The following CAPS2 variants were observed in gnomAD, a reference collection of about 807,000 sequenced individuals.
CAPS2 encodes calcyphosine 2, also known as calcyphosin-2.
A neutral mutation model predicts 86.5 loss-of-function variants in CAPS2; 98 were observed. That is an observed-to-expected ratio of 1.13 (90% confidence interval 0.96 to 1.34). The LOEUF (loss-of-function observed/expected upper bound fraction) is 1.34, where lower values mean the gene tolerates loss of function less well. Ranked by LOEUF, CAPS2 falls within the 40% of genes most tolerant of loss-of-function variation. The pLI, the probability that CAPS2 is intolerant of heterozygous loss-of-function variation, is 0.00. For synonymous variants in CAPS2, 210 were observed against 225.1 expected, an observed-to-expected ratio of 0.93 and a Z score of 0.60; for missense variants, 729 against 686.8, an observed-to-expected ratio of 1.06 and a Z score of -0.69.
At chr12:75,344,209 TCTCA>T (rs1303467129) in intron 1 of CAPS2, among the ~76,000 whole-genome samples, 6 of 152,114 alleles carry the variant, frequency 3.9e-5, no homozygotes, top group African/African-American at 1.4e-4. Context: ...TACTTCTTTC[TCTCA>T]CTCTCTCTCT....
chr12:75,281,045 T>C (rs903114049), intron 16 of CAPS2, among the ~76,000 whole-genome samples: 2 of 151,932 alleles, frequency 1.3e-5, no homozygotes, highest in Non-Finnish European at 2.9e-5. Flanking sequence ...TCAATAAATA[T>C]ACAAATGTAG....
At chr12:75,351,449 A>G (rs575321186) in intron 1 of CAPS2, among the ~76,000 whole-genome samples, 92 of 152,332 alleles carry the variant, frequency 6.0e-4, no homozygotes, top group Non-Finnish European at 1.1e-3. Context: ...AGGCCAGGCC[A>G]CCTACAAAGG....
In CAPS2 at chr12:75,293,191, T is replaced by C. The variant is rs1228555348; in HGVS notation, c.1163+58A>G. The C allele has an allele frequency of 3.1e-5, 31 of 1,002,938 alleles. No individual in the cohort carries two copies. The East Asian group carries it at 4.3e-4, about 14-fold the overall frequency. The allele number at this position is 1,002,938 out of a possible 1,614,324, so 62.1% of individuals were successfully genotyped here. On this transcript the variant is annotated intron_variant, in intron 12 of 16. Transcript: ENST00000393284. ...CTTATAGTAGAATGTCATTTTAAGA[T>C]AATTTAAAAATAGTGTTTTCACCTA... is the stretch of plus-strand genomic sequence containing the variant.
chr12:75,379,823 T>TTTA (rs2044859425), intron 1 of CAPS2, among the ~76,000 whole-genome samples: 1 of 148,342 alleles, frequency 6.7e-6, no homozygotes, highest in Non-Finnish European at 1.5e-5. Context: ...TTCTCTGTAG[T>TTTA]TTATTATTAT....
At chr12:75,387,799 G>A (rs2045368909) in intron 1 of CAPS2, among the ~76,000 whole-genome samples, 1 of 152,098 alleles carries the variant, frequency 6.6e-6, no homozygotes, top group African/African-American at 2.4e-5. Flanking sequence ...ACTTCTTAAA[G>A]GCTCCACCTT....
chr12:75,290,039 A>T (rs952485412), intron 13 of CAPS2, among the ~76,000 whole-genome samples: 2 of 152,212 alleles, frequency 1.3e-5, no homozygotes, highest in Non-Finnish European at 2.9e-5. Flanking sequence ...AGAAAAATAC[A>T]GTTTCACTTT....
chr12:75,291,648 A>G, intron 13 of CAPS2, 96 bp downstream of exon 13: 1 of 313,928 alleles, frequency 3.2e-6, no homozygotes, highest in Non-Finnish European at 6.0e-6. Flanking sequence ...ATATAAATCA[A>G]GTGCCACTGA....
chr12:75,340,681 A>G (rs2042042036), intron 1 of CAPS2, among the ~76,000 whole-genome samples: 1 of 151,840 alleles, frequency 6.6e-6, no homozygotes, highest in Non-Finnish European at 1.5e-5. Context: ...TTCAAACCAT[A>G]TATTTAAGAA....
chr12:75,278,291 G>T lies in CAPS2; in HGVS notation c.*599C>A. ...AAAAGACAAGTCAGTATTTAAATGA[G>T]CATCATGGGGTAAACCTCCATCATT... On this transcript the variant is annotated 3_prime_UTR_variant, in exon 17 of 17. Coordinates refer to ENST00000393284, the Ensembl canonical transcript of CAPS2. The T allele has an allele frequency of 3.1e-6, 3 of 982,184 alleles. No individual in the cohort carries two copies. The South Asian group carries it at 1.4e-4, about 46-fold the overall frequency. 60.8% of individuals were successfully genotyped at this position (982,184 alleles called of 1,614,324 possible).
intron 1 of CAPS2, among the ~76,000 whole-genome samples, chr12:75,374,371 T>C (rs531958196): frequency 7.9e-5 from 12 of 152,336 alleles, no homozygotes; most frequent in Admixed American, 3.3e-4. Flanking sequence ...CCTCTAAGCA[T>C]TGTGCCTTTT....
chr12:75,301,466 A>T lies in CAPS2; in HGVS notation c.780-1555T>A, dbSNP rs541130115. 9.8e-5 allele frequency among the ~76,000 whole-genome samples: 15 copies of T among 152,354 alleles called. No individual in the cohort carries two copies. In the South Asian group the frequency reaches 2.5e-3, roughly 25 times the overall value. On this transcript the variant is annotated intron_variant, in intron 8 of 16. Coordinates refer to ENST00000393284, the Ensembl canonical transcript of CAPS2. ...CACTATGTGCCTGAAACAATTCTAAATGCTGAGACAATAACAGCAACAGTA... is the reference window on the plus strand; with the variant it reads ...CACTATGTGCCTGAAACAATTCTAATTGCTGAGACAATAACAGCAACAGTA...
At chr12:75,335,974 C>T (rs958860955) in intron 1 of CAPS2, among the ~76,000 whole-genome samples, 1 of 151,776 alleles carries the variant, frequency 6.6e-6, no homozygotes, top group Non-Finnish European at 1.5e-5. Flanking sequence ...CTTTATATTT[C>T]TTTTGTACTC....
intron 5 of CAPS2, among the ~76,000 whole-genome samples, chr12:75,318,418 G>A (rs2039987131): frequency 6.6e-6 from 1 of 152,004 alleles, no homozygotes; most frequent in Non-Finnish European, 1.5e-5. Flanking sequence ...CACAGAAAAA[G>A]GCAAAGTCCT....
Position 75,313,945 on chromosome 12 carries a change from G to A in CAPS2, c.592-1030C>T, listed in dbSNP as rs554168979. Among the ~76,000 whole-genome samples the A allele has an allele frequency of 2.6e-4, 40 of 152,176 alleles. No individual in the cohort carries two copies. The South Asian group carries it at 6.8e-3, about 26-fold the overall frequency. On this transcript the variant is annotated intron_variant, in intron 6 of 16. Transcript: ENST00000393284. ...GTTTTTTTGGCTTTTTTTGAGACAG[G>A]CTCTTGCTATGTTGCCCAGGCTGGA...
intron 11 of CAPS2, among the ~76,000 whole-genome samples, chr12:75,294,563 G>A (rs914738158): frequency 2.0e-5 from 3 of 152,118 alleles, no homozygotes; most frequent in African/African-American, 7.2e-5. Flanking sequence ...TGCTCTAAGT[G>A]CAGAACCATC....
intron 1 of CAPS2, among the ~76,000 whole-genome samples, chr12:75,354,176 G>A (rs1297399219): frequency 1.5e-5 from 2 of 131,936 alleles, no homozygotes; most frequent in South Asian, 5.5e-4. Flanking sequence ...AGGGGGGGGG[G>A]TATTCAAATA....
At chr12:75,292,344 G>C (rs922985749) in intron 12 of CAPS2, among the ~76,000 whole-genome samples, 1 of 152,042 alleles carries the variant, frequency 6.6e-6, no homozygotes, top group African/African-American at 2.4e-5. Context: ...GGGATTACAG[G>C]AGTGAGCCGC....
At chr12:75,330,414 C>G (rs2041203168), upstream of CAPS2, among the ~76,000 whole-genome samples, 1 of 152,232 alleles carries the variant, frequency 6.6e-6, no homozygotes, top group Admixed American at 6.5e-5. Flanking sequence ...AAGCCCGGCC[C>G]GGATCCACGG....
chr12:75,353,118 TAGC>T (rs959856120), intron 1 of CAPS2, among the ~76,000 whole-genome samples: 54 of 151,912 alleles, frequency 3.6e-4, no homozygotes, highest in African/African-American at 1.2e-3. Flanking sequence ...ACCCCAAAGC[TAGC>T]AGAAGACAAG....
Sources: gnomAD v4.1 joint callset for allele counts (sites outside exome capture counted in the v4.1 genomes callset) on GRCh38, gnomAD v4.1.1 for gene constraint, MANE v1.5 for transcripts, NCBI Gene and HGNC (gene_info 2026-07-23, HGNC 2026-07-21) for gene names.